The following SYNE1 variants were observed in gnomAD, a reference collection of about 807,000 sequenced individuals.
SYNE1 encodes the protein spectrin repeat containing nuclear envelope protein 1, also known as nesprin-1.
In SYNE1, 616 loss-of-function variants were observed where a neutral mutation model predicts 1,111.0. The observed-to-expected ratio is 0.55, with a 90% CI of 0.52 to 0.59. SYNE1 has a LOEUF of 0.59. Among genes scored for constraint, SYNE1 ranks in the 20% least tolerant of loss-of-function variants. The probability of loss-of-function intolerance (pLI) is 0.00; values close to 1 mark genes in which losing one functional copy is unlikely to be tolerated. For synonymous variants in SYNE1, 3,855 were observed against 3,825.8 expected, an observed-to-expected ratio of 1.01 and a Z score of -0.28; for missense variants, 10,006 against 10,417.0, an observed-to-expected ratio of 0.96 and a Z score of 1.72.
At chr6:152,512,188 G>A (rs1237359405) in intron 6 of SYNE1, among the ~76,000 whole-genome samples, 4 of 152,050 alleles carry the variant, frequency 2.6e-5, no homozygotes, top group Non-Finnish European at 4.4e-5. Context: ...TGGAGTAAAA[G>A]CTAGCACAAA....
rs977181102 is a variant in SYNE1, at chr6:152,367,453, T to G, written c.9808-71A>C. 1.9e-6 allele frequency: 3 copies of G among 1,587,224 alleles called. No individual in the cohort carries two copies. In the African/African-American group the frequency reaches 4.0e-5, roughly 21 times the overall value. On this transcript the variant is annotated intron_variant, in intron 61 of 145. Transcript: ENST00000367255. ...CAAACTGCAAAGCTAACAGTTTGTT[T>G]GAAACAAAGGCAATCAGTCATGGCT...
intron 125 of SYNE1, 80 bp downstream of exon 125, chr6:152,207,892 C>A: frequency 7.0e-7 from 1 of 1,421,956 alleles, no homozygotes; most frequent in Non-Finnish European, 9.9e-7. Flanking sequence ...CTCTAGAGTC[C>A]TTTTGAAAAA....
At chr6:152,221,253 T>A (rs147537178) in intron 118 of SYNE1, among the ~76,000 whole-genome samples, 173 bp downstream of exon 118, 2 of 152,344 alleles carry the variant, frequency 1.3e-5, no homozygotes, top group African/African-American at 4.8e-5. Context: ...TACTTCTAAT[T>A]CTTTCTAAAT....
At chr6:152,429,674 C>T (rs1031054674) in intron 36 of SYNE1, among the ~76,000 whole-genome samples, 5 of 152,064 alleles carry the variant, frequency 3.3e-5, no homozygotes, top group East Asian at 1.9e-4. Flanking sequence ...GCAGAAGATT[C>T]GCAATGATGA....
intron 13 of SYNE1, among the ~76,000 whole-genome samples, chr6:152,484,327 A>G (rs1685872000): frequency 6.6e-6 from 1 of 152,228 alleles, no homozygotes; most frequent in African/African-American, 2.4e-5. Flanking sequence ...GAAGAATATG[A>G]ATATGAAAGA....
In SYNE1 at chr6:152,358,392, G is replaced by A; in HGVS notation, c.10589C>T (p.Thr3530Ile). 1.9e-6 allele frequency: 3 copies of A among 1,614,120 alleles called. No homozygotes were observed. Among genetic ancestry groups the A allele is most frequent in the South Asian group, 2.2e-5 (2 of 91,080 alleles). Residue 3530 changes from threonine to isoleucine, a missense_variant, in exon 66 of 146, where the codon ACA (threonine) becomes ATA (isoleucine). Physicochemically the swap from Thr to Ile is moderately conservative, Grantham distance 89. This residue lies in a region of SYNE1 where 4,955 missense variants were observed against 5,017.2 expected (regional missense o/e 0.99). Coordinates refer to ENST00000367255, the MANE Select transcript of SYNE1 (RefSeq NM_182961.4). ...VLEGDAHTHETTLRDLQELQV... is the reference protein window; with the variant it reads ...VLEGDAHTHEITLRDLQELQV... ...CCTTACCTGAAGATCACGCAATGTT[G>A]TCTCATGAGTGTGGGCATCACCTTC... is the stretch of plus-strand genomic sequence containing the variant.
intron 2 of SYNE1, 53 bp from the exon 3 acceptor site, chr6:152,628,607 A>G: frequency 4.3e-6 from 2 of 466,184 alleles, no homozygotes; most frequent in Non-Finnish European, 7.7e-6. Context: ...TACGAAGGTC[A>G]CCACAGTGCT....
intron 131 of SYNE1, among the ~76,000 whole-genome samples, chr6:152,162,168 T>G (rs1199542998): frequency 6.6e-6 from 1 of 152,214 alleles, no homozygotes; most frequent in Non-Finnish European, 1.5e-5. Context: ...TCTTCCATTT[T>G]ACAGCTCAAT....
intron 73 of SYNE1, among the ~76,000 whole-genome samples, chr6:152,346,133 C>T (rs2096626108): frequency 6.6e-6 from 1 of 151,960 alleles, no homozygotes; most frequent in Non-Finnish European, 1.5e-5. Flanking sequence ...TTTAAATTTC[C>T]TCAAATTCCT....
chr6:152,284,119 G>C lies in SYNE1; in HGVS notation c.18066C>G (p.Ser6022=), dbSNP rs2094187197. ...CGGATACCAGCTCCTCTGCGAGAGA[G>C]GACTGGAGCTCATTGATTTCATCCT... ...MLQDEINELQ[S]SLAEELVSES... is the part of the protein sequence containing the mutation. Residue 6022 remains serine (S), a synonymous_variant, in exon 96 of 146, where the codon TCC becomes TCG. Transcript: ENST00000367255. 6.2e-7 allele frequency: 1 copy of C among 1,614,062 alleles called. No individual in the cohort carries two copies. Among genetic ancestry groups the C allele is most frequent in the African/African-American group, 1.3e-5 (1 of 74,910 alleles).
chr6:152,164,357 C>A, intron 130 of SYNE1, 32 bp from the exon 131 acceptor site: 1 of 1,613,348 alleles, frequency 6.2e-7, no homozygotes, highest in Non-Finnish European at 8.5e-7. Flanking sequence ...TGTCCCACTT[C>A]AGCGAGAGGC....
intron 3 of SYNE1, among the ~76,000 whole-genome samples, chr6:152,561,033 G>T (rs2099393547): frequency 6.6e-6 from 1 of 152,078 alleles, no homozygotes; most frequent in Admixed American, 6.5e-5. Context: ...CTCACAGAGT[G>T]CTATGTTCTA....
chr6:152,503,780 G>A (rs1216207375), intron 9 of SYNE1, among the ~76,000 whole-genome samples: 1 of 152,064 alleles, frequency 6.6e-6, no homozygotes, highest in Admixed American at 6.5e-5. Context: ...GAGTCAAACC[G>A]TTGAGTAAAA....
intron 55 of SYNE1, among the ~76,000 whole-genome samples, chr6:152,384,358 T>TA (rs1027053762): frequency 1.3e-5 from 2 of 152,112 alleles, no homozygotes; most frequent in Non-Finnish European, 2.9e-5. Context: ...GCAAGTTCCT[T>TA]AGGGAATGCA....
In SYNE1 at chr6:152,221,546, T is replaced by A; in HGVS notation, c.21536A>T (p.Asp7179Val). The A allele has an allele frequency of 1.2e-6, 2 of 1,613,858 alleles. No homozygotes were observed. Among genetic ancestry groups the A allele is most frequent in the Non-Finnish European group, 1.7e-6 (2 of 1,179,912 alleles). ...QVDNLQNLQD[D>V]LEKQERSLQK... ...TAAGCTCCTTTCCTGTTTTTCCAGA[T>A]CATCTTGGAGATTCTGCCCCAAAAA... Residue 7179 changes from aspartate (D) to valine (V), a missense_variant, in exon 118 of 146, where the codon GAT (aspartate) becomes GTT (valine). Physicochemically the swap from Asp to Val is radical, Grantham distance 152. This residue lies in a region of SYNE1 where 2,182 missense variants were observed against 2,287.8 expected (regional missense o/e 0.95). Coordinates refer to ENST00000367255, the MANE Select transcript of SYNE1 (RefSeq NM_182961.4).
rs556502002 is a variant in SYNE1, at chr6:152,433,664, A to G, written c.4461+131T>C. 2.2e-4 allele frequency: 238 copies of G among 1,075,962 alleles called. 1 individual carries two copies. The South Asian group carries it at 2.5e-3, about 12-fold the overall frequency. 66.7% of individuals were successfully genotyped at this position (1,075,962 alleles called of 1,614,324 possible). The stretch of plus-strand genomic sequence containing the variant: ...CAGACCTCTTAGCTTGATAAAATGT[A>G]TGAATTTAATTTTAATAGTCACATT... On this transcript the variant is annotated intron_variant, in intron 34 of 145. Coordinates refer to ENST00000367255, the MANE Select transcript of SYNE1 (RefSeq NM_182961.4).
chr6:152,206,328 C>G lies in SYNE1; in HGVS notation c.22859G>C (p.Ser7620Thr). ...GCCAGCCTCCACAGTCAGGATGTAG[C>G]TGCCTTGTTGCCGCAGAAACACTTT... ...KEKVFLRQQG[S>T]YILTVEAGKQ... Residue 7620 changes from serine (S) to threonine (T), a missense_variant, in exon 126 of 146, where the codon AGC becomes ACC. Ser to Thr is a moderately conservative substitution (Grantham distance 58, BLOSUM62 1). Around this residue, in one of 7 missense-constraint regions of SYNE1, gnomAD observed 2,182 missense variants for 2,287.8 expected, o/e 0.95. Coordinates refer to ENST00000367255, the MANE Select transcript of SYNE1 (RefSeq NM_182961.4). 3 of 1,614,026 alleles carry G rather than the reference C, an allele frequency of 1.9e-6. No homozygotes were observed. Among genetic ancestry groups the G allele is most frequent in the Non-Finnish European group, 2.5e-6 (3 of 1,180,012 alleles).
chr6:152,485,392 T>G (rs2098933785), intron 12 of SYNE1, among the ~76,000 whole-genome samples: 1 of 152,198 alleles, frequency 6.6e-6, no homozygotes, highest in Non-Finnish European at 1.5e-5. Flanking sequence ...TTGCTTTACT[T>G]CAAGTACCAA....
chr6:152,241,982 C>A (rs549905163), intron 107 of SYNE1, among the ~76,000 whole-genome samples: 3 of 152,244 alleles, frequency 2.0e-5, no homozygotes, highest in Non-Finnish European at 2.9e-5. Context: ...TAGTGAGGAA[C>A]TGATAGGTAA....
Sources: allele counts gnomAD v4.1 joint callset (sites outside exome capture counted in the v4.1 genomes callset), GRCh38; gene constraint gnomAD v4.1.1; regional missense constraint gnomAD v4.1.1; transcripts MANE v1.5; gene names NCBI Gene and HGNC (gene_info 2026-07-23, HGNC 2026-07-21).